The following PLCB1 variants were observed in gnomAD, a reference collection of about 807,000 sequenced individuals.
The protein encoded by PLCB1 is phospholipase C beta 1, also known as 1-phosphatidylinositol 4,5-bisphosphate phosphodiesterase beta-1.
In PLCB1, 46 loss-of-function variants were observed where a neutral mutation model predicts 161.8. The ratio of observed to expected loss-of-function variants is 0.28; its 90% CI spans 0.22 to 0.36. The LOEUF is 0.36. Among genes scored for constraint, PLCB1 ranks in the 10% least tolerant of loss-of-function variants. The probability of loss-of-function intolerance (pLI) is 1.00; values close to 1 mark genes in which losing one functional copy is unlikely to be tolerated. For synonymous variants in PLCB1, 517 were observed against 503.7 expected (o/e 1.03, Z -0.35); for missense variants, 1,016 against 1,472.5 (o/e 0.69, Z 5.07).
intron 2 of PLCB1, among the ~76,000 whole-genome samples, chr20:8,329,959 C>T (rs563813163): frequency 6.6e-6 from 1 of 152,228 alleles, no homozygotes; most frequent in Admixed American, 6.5e-5. Context: ...AGTTTTCCCT[C>T]TTGTAATTAA....
chr20:8,519,949 A>T (rs1453857205), intron 3 of PLCB1, among the ~76,000 whole-genome samples: 1 of 152,154 alleles, frequency 6.6e-6, no homozygotes, highest in East Asian at 1.9e-4. Flanking sequence ...TATTATAAGA[A>T]ATTCTGACTC....
intron 31 of PLCB1, among the ~76,000 whole-genome samples, chr20:8,861,975 T>C (rs889427827): frequency 6.6e-6 from 1 of 152,210 alleles, no homozygotes; most frequent in Non-Finnish European, 1.5e-5. Context: ...ATATTAGATA[T>C]TTATTTTAAT....
chr20:8,729,125 C>T lies in PLCB1; in HGVS notation c.1839C>T (p.Leu613=), dbSNP rs756005851. 4.3e-6 allele frequency: 7 copies of T among 1,612,354 alleles called. No individual in the cohort carries two copies. The African/African-American group carries it at 6.7e-5, about 15-fold the overall frequency. The change falls in exon 18 of 32, where the codon CTC becomes CTT. Residue 613 remains leucine, a synonymous_variant. Transcript: ENST00000338037. ...ATTCATCCAACTATATGCCTCAGCT[C>T]TTCTGGAATGCAGGTTGTCAGATGG... The part of the protein sequence containing the change: ...RVDSSNYMPQ[L]FWNAGCQMVA...
chr20:8,181,529 G>A (rs1600220303), intron 2 of PLCB1, among the ~76,000 whole-genome samples: 2 of 152,240 alleles, frequency 1.3e-5, no homozygotes, highest in Non-Finnish European at 2.9e-5. Flanking sequence ...GAGCTTATAA[G>A]CCAATATGCC....
Position 8,421,761 on chromosome 20 carries a change from C to G in PLCB1, c.246+50311C>G, listed in dbSNP as rs114585814. On this transcript the variant is annotated intron_variant, in intron 3 of 31. Transcript: ENST00000338037. ...TCCTGCTTAACATATGGTCCTTAGACGAACGGCATCAGCATCACCAAGGGC... is the reference window on the plus strand; with the variant it reads ...TCCTGCTTAACATATGGTCCTTAGAGGAACGGCATCAGCATCACCAAGGGC... Among the ~76,000 whole-genome samples the G allele has an allele frequency of 7.8e-3, 1,188 of 152,220 alleles. 22 individuals are homozygous for G. The highest frequency in any genetic ancestry group is 0.027 in the African/African-American group (1,112 of 41,532).
intron 2 of PLCB1, among the ~76,000 whole-genome samples, chr20:8,277,677 A>C (rs1045258610): frequency 1.3e-5 from 2 of 152,184 alleles, no homozygotes; most frequent in Non-Finnish European, 2.9e-5. Flanking sequence ...TTACAGAACT[A>C]ATATAGTTGA....
chr20:8,858,987 T>C (rs1987162599), intron 31 of PLCB1, among the ~76,000 whole-genome samples: 2 of 151,676 alleles, frequency 1.3e-5, no homozygotes, highest in South Asian at 2.1e-4. Flanking sequence ...GACATACCTC[T>C]TGTTTGGAGG....
At chr20:8,545,180 G>A (rs867311993) in intron 3 of PLCB1, among the ~76,000 whole-genome samples, 1 of 152,176 alleles carries the variant, frequency 6.6e-6, no homozygotes, top group Admixed American at 6.5e-5. Flanking sequence ...GAGAAAAGTG[G>A]TGTTTGAAGT....
intron 2 of PLCB1, among the ~76,000 whole-genome samples, chr20:8,226,759 C>A (rs1274516531): frequency 6.6e-6 from 1 of 151,568 alleles, no homozygotes; most frequent in Non-Finnish European, 1.5e-5. Context: ...GCAATCTCGG[C>A]TCACTGCAAC....
intron 3 of PLCB1, among the ~76,000 whole-genome samples, chr20:8,605,545 G>T (rs1038701782): frequency 1.4e-5 from 2 of 138,838 alleles, no homozygotes; most frequent in Non-Finnish European, 3.2e-5. Context: ...TTGTCAAATT[G>T]TTCTTCCAGT....
intron 3 of PLCB1, among the ~76,000 whole-genome samples, chr20:8,496,335 A>AT (rs200775448): frequency 0.03 from 4,564 of 151,624 alleles, 244 homozygotes; most frequent in African/African-American, 0.1. Context: ...TCTGCAAAAA[A>AT]AAAAAAAAAA....
intron 3 of PLCB1, among the ~76,000 whole-genome samples, chr20:8,414,144 A>C (rs1979166914): frequency 6.6e-6 from 1 of 152,290 alleles, no homozygotes; most frequent in African/African-American, 2.4e-5. Flanking sequence ...TCAAGACAAA[A>C]AAAAAAGAAT....
intron 3 of PLCB1, among the ~76,000 whole-genome samples, chr20:8,491,982 G>A (rs867694719): frequency 4.3e-4 from 65 of 151,620 alleles, no homozygotes; most frequent in African/African-American, 1.5e-3. Context: ...AGGTTGTTGA[G>A]GATAATTCTT....
Position 8,768,362 on chromosome 20 carries a change from G to A in PLCB1, c.2930+3004G>A, listed in dbSNP as rs75820200. The stretch of plus-strand genomic sequence containing the variant: ...CTCCATTATCACATGAATTCTCCCT[G>A]CGTAGGTGTGTCTTGGTCCAAATTT... On this transcript the variant is annotated intron_variant, in intron 26 of 31. Transcript: ENST00000338037. Among the ~76,000 whole-genome samples, 628 of 151,968 alleles carry A rather than the reference G, an allele frequency of 4.1e-3. 5 individuals are homozygous for A. The highest frequency in any genetic ancestry group is 0.014 in the African/African-American group (587 of 41,420).
intron 2 of PLCB1, among the ~76,000 whole-genome samples, chr20:8,180,533 A>G (rs1464346257): frequency 6.6e-6 from 1 of 152,182 alleles, no homozygotes; most frequent in Non-Finnish European, 1.5e-5. Context: ...GAATGGTACC[A>G]TATTCCCAGG....
chr20:8,390,087 A>G (rs1210225862), intron 3 of PLCB1, among the ~76,000 whole-genome samples: 2 of 152,208 alleles, frequency 1.3e-5, no homozygotes, highest in Non-Finnish European at 2.9e-5. Flanking sequence ...AATGTAGAGA[A>G]GTACACCACG....
At position 8,417,751 on chromosome 20, in the gene PLCB1, ATGTC is replaced by A. The variant is rs150553405; in HGVS notation, c.246+46304_246+46307del. 4.7e-3 allele frequency among the ~76,000 whole-genome samples: 714 copies of A among 152,338 alleles called. 2 individuals are homozygous for A. The highest frequency in any genetic ancestry group is 0.016 in the African/African-American group (668 of 41,568). On this transcript the variant is annotated intron_variant, in intron 3 of 31. Coordinates refer to ENST00000338037, the MANE Select transcript of PLCB1 (RefSeq NM_015192.4). ...CCCATGTACTTTGTAAGGAGACAGA[ATGTC>A]TGAGCAGAGAATCTTTAGAGAGAAA...
intron 3 of PLCB1, among the ~76,000 whole-genome samples, chr20:8,548,339 GTTTC>G (rs1051248073): frequency 6.2e-5 from 6 of 96,816 alleles, no homozygotes; most frequent in East Asian, 2.9e-4. Context: ...CTTTCTCTTT[GTTTC>G]TTTCTTTCTT....
At chr20:8,232,049 T>C (rs904934374) in intron 2 of PLCB1, among the ~76,000 whole-genome samples, 1 of 152,064 alleles carries the variant, frequency 6.6e-6, no homozygotes, top group African/African-American at 2.4e-5. Flanking sequence ...ACCTAAAAGA[T>C]TATGCATTCC....
Sources: gnomAD v4.1 joint callset for allele counts (sites outside exome capture counted in the v4.1 genomes callset) on GRCh38, gnomAD v4.1.1 for gene constraint, MANE v1.5 for transcripts, NCBI Gene and HGNC (gene_info 2026-07-23, HGNC 2026-07-21) for gene names.